Variants in NUP210 observed in about 807,000 individuals in gnomAD.
NUP210 encodes the protein nuclear pore membrane glycoprotein 210.
A neutral mutation model predicts 196.0 loss-of-function variants in NUP210; 151 were observed. The ratio of observed to expected loss-of-function variants is 0.77; its 90% CI spans 0.67 to 0.88. The LOEUF is 0.88. NUP210 is among the 40% of genes least tolerant of loss of function. NUP210 has a pLI of 0.00. For missense variants in NUP210, 2,314 were observed against 2,493.7 expected (o/e 0.93, Z 1.53); for synonymous variants, 1,070 against 1,052.7 (o/e 1.02, Z -0.32).
chr3:13,373,615 A>C, intron 12 of NUP210, 103 bp downstream of exon 12: 1 of 1,224,986 alleles, frequency 8.2e-7, no homozygotes, highest in Non-Finnish European at 1.2e-6. Context: ...TACAGGACCC[A>C]AGGTTGGGGG....
chr3:13,396,630 G>A (rs1182893717), intron 3 of NUP210, among the ~76,000 whole-genome samples: 1 of 151,282 alleles, frequency 6.6e-6, no homozygotes, highest in Non-Finnish European at 1.5e-5. Context: ...CTTGGTGGCA[G>A]GCACCTCTAA....
At chr3:13,419,229 C>G (rs1700451262) in intron 1 of NUP210, among the ~76,000 whole-genome samples, 1 of 152,206 alleles carries the variant, frequency 6.6e-6, no homozygotes. Context: ...TCTTTTCACC[C>G]CTAGGACGGC....
In NUP210 at chr3:13,332,288, C is replaced by T. The variant is rs373355616; in HGVS notation, c.3935+5G>A. 3.7e-6 allele frequency: 6 copies of T among 1,610,434 alleles called. No individual in the cohort carries two copies. The highest frequency in any genetic ancestry group is 3.3e-5 in the South Asian group (3 of 91,000). ...TTTGCTGGAAACAAGAGCTGAGTCA[C>T]GTACCTGTTTGTCTGCAGCTTTATA... On this transcript the variant is annotated splice_donor_5th_base_variant and intron_variant, in intron 29 of 39. Coordinates refer to ENST00000254508, the MANE Select transcript of NUP210 (RefSeq NM_024923.4).
intron 26 of NUP210, chr3:13,337,149 C>A: frequency 2.4e-6 from 1 of 424,612 alleles, no homozygotes; most frequent in Non-Finnish European, 4.4e-6. Context: ...CTCTCCATGG[C>A]CAAGATACTC....
intron 27 of NUP210, among the ~76,000 whole-genome samples, chr3:13,335,891 G>A (rs769876689): frequency 1.2e-4 from 19 of 152,252 alleles, no homozygotes; most frequent in Non-Finnish European, 2.2e-4. Flanking sequence ...ACGTAAGCCA[G>A]GGGCCTTCAT....
chr3:13,327,350 C>A lies in NUP210; in HGVS notation c.4374G>T (p.Val1458=), dbSNP rs746448307. 1 of 1,613,408 alleles carries A rather than the reference C, an allele frequency of 6.2e-7. No individual in the cohort carries two copies. The highest frequency in any genetic ancestry group is 8.5e-7 in the Non-Finnish European group (1 of 1,179,978). Reference sequence around the variant, plus strand: ...AGAGGCCCGGGTGCTCTGCGTCCCACACACGGAGCAGTGTCAGGCCCACGC... The same window carrying A: ...AGAGGCCCGGGTGCTCTGCGTCCCAAACACGGAGCAGTGTCAGGCCCACGC... ...TVSVGLTLLR[V]WDAEHPGLSD... is the part of the protein sequence containing the mutation. Residue 1458 remains valine (V), a synonymous_variant, in exon 32 of 40, where the codon GTG becomes GTT. Coordinates refer to ENST00000254508, the MANE Select transcript of NUP210 (RefSeq NM_024923.4).
chr3:13,400,863 G>A (rs774565799), intron 1 of NUP210, among the ~76,000 whole-genome samples: 34 of 152,298 alleles, frequency 2.2e-4, no homozygotes, highest in Middle Eastern at 3.4e-3. Context: ...CAGACACTCC[G>A]GGGTCTCTGC....
chr3:13,336,544 T>C (rs891257774), intron 27 of NUP210, among the ~76,000 whole-genome samples: 2 of 152,098 alleles, frequency 1.3e-5, no homozygotes, highest in African/African-American at 4.8e-5. Flanking sequence ...CCCAGGACTT[T>C]TGTGACTTCC....
intron 1 of NUP210, among the ~76,000 whole-genome samples, chr3:13,403,010 C>T (rs373079385): frequency 1.2e-3 from 187 of 152,334 alleles, no homozygotes; most frequent in African/African-American, 3.9e-3. Flanking sequence ...CAGTATCCTT[C>T]GGAACAGCAC....
intron 16 of NUP210, among the ~76,000 whole-genome samples, chr3:13,356,074 C>T (rs1698163082): frequency 6.6e-6 from 1 of 152,214 alleles, no homozygotes; most frequent in Non-Finnish European, 1.5e-5. Context: ...GTGTCTCAAT[C>T]TGGGGACAGC....
At chr3:13,319,640 G>A (rs1696428461) in intron 37 of NUP210, 123 bp downstream of exon 37, 7 of 827,712 alleles carry the variant, frequency 8.5e-6, no homozygotes, top group Admixed American at 2.1e-5. Context: ...TCACTTTGAG[G>A]GACATTCTGC....
At position 13,317,751 on chromosome 3, in the gene NUP210, T is replaced by C. The variant is rs760577208; in HGVS notation, c.5594A>G (p.Asn1865Ser). ...YFAASSPTSP[N>S]ALPPARKASP... ...GGCTTTGCGAGCAGGAGGCAATGCA[T>C]TGGGAGATGTGGGTGATGAGGCAGC... Residue 1865 changes from asparagine (N) to serine (S), a missense_variant, in exon 40 of 40, where the codon AAT becomes AGT. Coordinates refer to ENST00000254508, the MANE Select transcript of NUP210 (RefSeq NM_024923.4). 4.2e-5 allele frequency: 67 copies of C among 1,611,500 alleles called. No individual in the cohort carries two copies. Among genetic ancestry groups the C allele is most frequent in the South Asian group, 3.0e-4 (27 of 90,294 alleles).
intron 5 of NUP210, among the ~76,000 whole-genome samples, chr3:13,386,938 A>T (rs1699297969): frequency 6.6e-6 from 1 of 152,198 alleles, no homozygotes; most frequent in Non-Finnish European, 1.5e-5. Context: ...AATGGGAGAA[A>T]GATCACTAGG....
Position 13,321,778 on chromosome 3 carries a change from A to G in NUP210, c.4973T>C (p.Leu1658Pro), listed in dbSNP as rs1319196996. Reference protein sequence around the residue: ...HRLTDKQRKHLSMKKTALVVS... With the variant: ...HRLTDKQRKHPSMKKTALVVS... ...CACCAGAGCTGTCTTCTTCATGCTC[A>G]GGTGCTTCCGCTGCTTGTCCGTCAG... The change falls in exon 36 of 40, where the codon CTG (leucine) becomes CCG (proline). Residue 1658 changes from leucine (L) to proline (P), a missense_variant. Physicochemically the swap from Leu to Pro is moderately conservative, Grantham distance 98. Coordinates refer to ENST00000254508, the MANE Select transcript of NUP210 (RefSeq NM_024923.4). 1.2e-6 allele frequency: 2 copies of G among 1,612,374 alleles called. No individual in the cohort carries two copies. Among genetic ancestry groups the G allele is most frequent in the East Asian group, 4.5e-5 (2 of 44,890 alleles).
At chr3:13,371,753 A>T in intron 13 of NUP210, 81 bp downstream of exon 13, 1 of 1,312,350 alleles carries the variant, frequency 7.6e-7, no homozygotes, top group Non-Finnish European at 1.1e-6. Flanking sequence ...TCTCTTTGGG[A>T]ATCTGGCGGT....
chr3:13,345,900 C>T (rs1170572078), intron 20 of NUP210, among the ~76,000 whole-genome samples: 3 of 152,230 alleles, frequency 2.0e-5, no homozygotes, highest in Non-Finnish European at 4.4e-5. Context: ...AAGGCTCCAA[C>T]CTGAAACTCC....
At position 13,360,321 on chromosome 3, in the gene NUP210, C is replaced by T. The variant is rs764824730; in HGVS notation, c.2103G>A (p.Arg701=). The T allele has an allele frequency of 5.9e-5, 96 of 1,614,092 alleles. No individual in the cohort carries two copies. The highest frequency in any genetic ancestry group is 4.9e-4 in the Middle Eastern group (3 of 6,084). The part of the protein sequence containing the change: ...GLALFAPHSS[R]NYQQHWILVT... ...CAAGGATCCAGTGTTGCTGATAATTCCGGGAGGAATGGGGGGCAAAGAGAG... is the reference window on the plus strand; with the variant it reads ...CAAGGATCCAGTGTTGCTGATAATTTCGGGAGGAATGGGGGGCAAAGAGAG... Residue 701 remains arginine (R), a synonymous_variant, in exon 15 of 40, where the codon CGG becomes CGA. Coordinates refer to ENST00000254508, the MANE Select transcript of NUP210 (RefSeq NM_024923.4).
chr3:13,380,051 A>G (rs1699051653), intron 6 of NUP210, among the ~76,000 whole-genome samples: 1 of 152,072 alleles, frequency 6.6e-6, no homozygotes, highest in African/African-American at 2.4e-5. Context: ...CTTTGCTTCT[A>G]CGTAGAGGGG....
At chr3:13,322,751 C>A (rs75297938) in intron 34 of NUP210, among the ~76,000 whole-genome samples, 1 of 152,242 alleles carries the variant, frequency 6.6e-6, no homozygotes, top group Non-Finnish European at 1.5e-5. Flanking sequence ...TGTCCACTTG[C>A]GCTGAGGAAG....
Sources: allele counts gnomAD v4.1 joint callset (sites outside exome capture counted in the v4.1 genomes callset), GRCh38; gene constraint gnomAD v4.1.1; transcripts MANE v1.5; gene names NCBI Gene and HGNC (gene_info 2026-07-23, HGNC 2026-07-21).